RPTOR: variants seen among roughly 807,000 people sequenced by gnomAD.
RPTOR encodes the protein regulatory-associated protein of mTOR.
Under a neutral mutation model 169.9 loss-of-function variants are expected in RPTOR, and 21 were observed. The observed-to-expected ratio is 0.12, with a 90% CI of 0.09 to 0.18. RPTOR has a LOEUF of 0.18. Among genes scored for constraint, RPTOR ranks in the 10% least tolerant of loss-of-function variants. RPTOR has a pLI of 1.00. For synonymous variants in RPTOR, 732 were observed against 753.2 expected, an observed-to-expected ratio of 0.97 and a Z score of 0.46; for missense variants, 1,133 against 1,855.9, an observed-to-expected ratio of 0.61 and a Z score of 7.16.
chr17:80,779,511 A>C (rs1011499110), intron 6 of RPTOR, among the ~76,000 whole-genome samples: 2 of 152,198 alleles, frequency 1.3e-5, no homozygotes, highest in African/African-American at 4.8e-5. Context: ...GGTGGGGGAT[A>C]AGATTCCGTC....
chr17:80,688,919 A>C (rs950691696), intron 3 of RPTOR, among the ~76,000 whole-genome samples: 17 of 152,138 alleles, frequency 1.1e-4, no homozygotes, highest in Non-Finnish European at 4.4e-5. Context: ...GCCCAGAGGG[A>C]GTGCCTTTTT....
rs2065456839 is a variant in RPTOR at position 80,633,391 on chromosome 17, C to G, written c.265+7598C>G. On this transcript the variant is annotated intron_variant, in intron 2 of 33. Transcript: ENST00000306801. This position sits in a 1 kb window ranked among gnomAD's most constrained non-coding sequence, Gnocchi z 4.1. Reference sequence around the variant, plus strand: ...AGGATCCTGCTCAGCCATGCGCCATCCTAACTTCCTCTCACTCAGTCTGAA... The same window carrying G: ...AGGATCCTGCTCAGCCATGCGCCATGCTAACTTCCTCTCACTCAGTCTGAA... Among the ~76,000 whole-genome samples, 2 of 152,368 alleles carry G rather than the reference C, an allele frequency of 1.3e-5. No individual in the cohort carries two copies. Among genetic ancestry groups the G allele is most frequent in the South Asian group, 4.1e-4 (2 of 4,828 alleles).
chr17:80,825,263 G>T (rs1477484563), intron 9 of RPTOR, among the ~76,000 whole-genome samples: 1 of 105,136 alleles, frequency 9.5e-6, no homozygotes, highest in African/African-American at 3.7e-5. Flanking sequence ...CGAGGCCAGC[G>T]TGGGGCAGCC....
intron 7 of RPTOR, among the ~76,000 whole-genome samples, chr17:80,810,999 T>A (rs1032191509): frequency 8.5e-6 from 1 of 118,228 alleles, no homozygotes; most frequent in South Asian, 2.9e-4. Context: ...AGATCCTCTA[T>A]GTGTGTAATT....
At chr17:80,800,761 G>A (rs1480503192) in intron 7 of RPTOR, among the ~76,000 whole-genome samples, 1 of 152,204 alleles carries the variant, frequency 6.6e-6, no homozygotes, top group Non-Finnish European at 1.5e-5. Context: ...AGAAATATTA[G>A]GGTTTTCAGA....
At chr17:80,799,883 T>C (rs1463922595) in intron 7 of RPTOR, among the ~76,000 whole-genome samples, 3 of 152,140 alleles carry the variant, frequency 2.0e-5, no homozygotes. Context: ...GCAGGTGTGT[T>C]TGTCACGCAC....
chr17:80,592,134 T>C (rs2065112364), intron 1 of RPTOR, among the ~76,000 whole-genome samples: 1 of 152,218 alleles, frequency 6.6e-6, no homozygotes, highest in Non-Finnish European at 1.5e-5. Context: ...TCATTTGAAG[T>C]AGGCTGGAGC....
rs12600434 is a variant in RPTOR at position 80,815,791 on chromosome 17, C to T, written c.891-6410C>T. Among the ~76,000 whole-genome samples, 703 of 152,234 alleles carry T rather than the reference C, an allele frequency of 4.6e-3. 37 individuals are homozygous for T. In the East Asian group the frequency reaches 0.12, roughly 26 times the overall value. On this transcript the variant is annotated intron_variant, in intron 7 of 33. Coordinates refer to ENST00000306801, the MANE Select transcript of RPTOR (RefSeq NM_020761.3). ...AGCTGTCATCCTGTGCTGGACAGTC[C>T]GTCACGTGCAGAGCATCCTCCCGAC... is the stretch of plus-strand genomic sequence containing the variant.
At chr17:80,762,915 A>G (rs942637867) in intron 6 of RPTOR, among the ~76,000 whole-genome samples, 1 of 152,252 alleles carries the variant, frequency 6.6e-6, no homozygotes, top group Non-Finnish European at 1.5e-5. Flanking sequence ...TACGATGGCT[A>G]AAATGTTTTG....
intron 5 of RPTOR, among the ~76,000 whole-genome samples, chr17:80,733,659 TGTGGAA>T (rs561205567): frequency 9.6e-4 from 147 of 152,354 alleles, no homozygotes; most frequent in African/African-American, 3.5e-3. Context: ...GGAGAAACGA[TGTGGAA>T]GCCTGTTAGC....
At chr17:80,735,607 C>T (rs906966890) in intron 5 of RPTOR, among the ~76,000 whole-genome samples, 10 of 152,154 alleles carry the variant, frequency 6.6e-5, no homozygotes, top group African/African-American at 2.2e-4. Context: ...TCACTGAAGA[C>T]GGCAGTCAAG....
At chr17:80,794,355 C>T (rs1473579671) in intron 7 of RPTOR, among the ~76,000 whole-genome samples, 1 of 152,134 alleles carries the variant, frequency 6.6e-6, no homozygotes, top group East Asian at 1.9e-4. Flanking sequence ...AAATCATTAG[C>T]CATTAGGTAA....
chr17:80,876,105 T>TC (rs1433278618), intron 13 of RPTOR, among the ~76,000 whole-genome samples: 18 of 108,944 alleles, frequency 1.7e-4, no homozygotes, highest in South Asian at 6.5e-4. Context: ...TGCCGGGTCT[T>TC]CCACCGAGCC....
At chr17:80,765,724 C>G (rs190847807) in intron 6 of RPTOR, among the ~76,000 whole-genome samples, 10 of 152,296 alleles carry the variant, frequency 6.6e-5, no homozygotes, top group African/African-American at 2.2e-4. Flanking sequence ...CTGGGGCTCT[C>G]CGTCCTTGTC....
chr17:80,908,894 G>A lies in RPTOR; in HGVS notation c.2485G>A (p.Val829Met), dbSNP rs747651471. ...TGACCCCTATCCAGAGGTCTCGGAC[G>A]TGGCCATGAAAGTACTCAACAGCAT... The part of the protein sequence containing the change: ...AADPYPEVSD[V>M]AMKVLNSIAY... Residue 829 changes from valine to methionine, a missense_variant, in exon 21 of 34, where the codon GTG becomes ATG. Val to Met is a conservative substitution (Grantham distance 21). Transcript: ENST00000306801. 9 of 1,614,062 alleles carry A rather than the reference G, an allele frequency of 5.6e-6. No individual in the cohort carries two copies. The highest frequency in any genetic ancestry group is 1.7e-4 in the Middle Eastern group (1 of 6,056).
chr17:80,768,585 G>T (rs2066811564), intron 6 of RPTOR, among the ~76,000 whole-genome samples: 1 of 151,930 alleles, frequency 6.6e-6, no homozygotes, highest in Non-Finnish European at 1.5e-5. Context: ...CCTGTCCCAG[G>T]CCTCCTCACT....
chr17:80,752,522 C>G (rs1333959701), intron 5 of RPTOR, among the ~76,000 whole-genome samples: 1 of 152,234 alleles, frequency 6.6e-6, no homozygotes, highest in East Asian at 1.9e-4. Context: ...ATGTGTTATA[C>G]TTATTAAATT....
intron 21 of RPTOR, among the ~76,000 whole-genome samples, chr17:80,911,802 AAT>A (rs2068616141): frequency 6.6e-6 from 1 of 152,174 alleles, no homozygotes; most frequent in South Asian, 2.1e-4. Flanking sequence ...AATGTTTAAA[AAT>A]ATATGTTTGT....
intron 5 of RPTOR, among the ~76,000 whole-genome samples, chr17:80,750,361 A>C (rs2066618841): frequency 6.6e-6 from 1 of 152,198 alleles, no homozygotes; most frequent in Non-Finnish European, 1.5e-5. Flanking sequence ...TTAAAATAAC[A>C]CAAGTCTGCC....
Sources: allele counts gnomAD v4.1 joint callset (sites outside exome capture counted in the v4.1 genomes callset), GRCh38; gene constraint gnomAD v4.1.1; non-coding constraint Gnocchi (gnomAD v3.1); transcripts MANE v1.5; gene names NCBI Gene and HGNC (gene_info 2026-07-23, HGNC 2026-07-21).